Variants in CUX1 observed in about 807,000 individuals in gnomAD.
The protein encoded by CUX1 is cut like homeobox 1.
CUX1 carries 31 observed loss-of-function variants against 158.8 expected under a neutral mutation model. The ratio of observed to expected loss-of-function variants is 0.20; its 90% CI spans 0.15 to 0.26. CUX1 has a LOEUF of 0.26. Among genes scored for constraint, CUX1 ranks in the 10% least tolerant of loss-of-function variants. CUX1 has a pLI of 1.00. For synonymous variants in CUX1, 879 were observed against 862.1 expected (o/e 1.02, Z -0.34); for missense variants, 1,589 against 2,014.6 (o/e 0.79, Z 4.04).
intron 8 of CUX1, among the ~76,000 whole-genome samples, chr7:102,116,860 C>T (rs1831489398): frequency 6.6e-6 from 1 of 152,092 alleles, no homozygotes; most frequent in South Asian, 2.1e-4. Flanking sequence ...GAGAGACTCA[C>T]TCGGTTAGAT....
At chr7:102,194,717 T>A (rs1586152305) in intron 13 of CUX1, among the ~76,000 whole-genome samples, 1 of 151,760 alleles carries the variant, frequency 6.6e-6, no homozygotes, top group Admixed American at 6.6e-5. Flanking sequence ...GGTCATCTGG[T>A]GGCCAATTAA....
intron 1 of CUX1, among the ~76,000 whole-genome samples, chr7:101,834,230 G>A (rs1415625835): frequency 1.5e-5 from 2 of 133,144 alleles, no homozygotes; most frequent in East Asian, 2.2e-4. Flanking sequence ...CTGGAGTGCA[G>A]TGGCACTATC....
intron 11 of CUX1, 81 bp from the exon 12 acceptor site, chr7:102,189,732 G>A (rs1794072700): frequency 1.4e-6 from 2 of 1,468,966 alleles, no homozygotes; most frequent in Non-Finnish European, 1.9e-6. Context: ...ACAGCTGGCT[G>A]TTCCGCAGTG....
chr7:101,975,429 T>G (rs763858701), intron 2 of CUX1, among the ~76,000 whole-genome samples: 2 of 151,970 alleles, frequency 1.3e-5, no homozygotes, highest in African/African-American at 4.8e-5. Flanking sequence ...TGGTGGCATG[T>G]GCTTGTAGTC....
At chr7:101,858,692 G>A (rs1172683240) in intron 1 of CUX1, among the ~76,000 whole-genome samples, 1 of 137,242 alleles carries the variant, frequency 7.3e-6, no homozygotes, top group Non-Finnish European at 1.5e-5. Flanking sequence ...TTGAGATGGC[G>A]TCTTGCTCTG....
At chr7:102,267,277 T>C (rs1331331763) in intron 14 of CUX1, among the ~76,000 whole-genome samples, 1 of 152,102 alleles carries the variant, frequency 6.6e-6, no homozygotes, top group East Asian at 1.9e-4. Flanking sequence ...CTCATGCCTG[T>C]AATCCCAGCA....
intron 3 of CUX1, among the ~76,000 whole-genome samples, chr7:102,058,810 C>T (rs545595824): frequency 6.6e-6 from 1 of 152,198 alleles, no homozygotes; most frequent in Non-Finnish European, 1.5e-5. Flanking sequence ...CCGGGATTTA[C>T]CCGAGGGAGG....
rs934606184 is a variant in CUX1, at chr7:101,869,571, C to T, written c.31-46544C>T. On this transcript the variant is annotated intron_variant, in intron 1 of 23. Coordinates refer to ENST00000292535, the MANE Select transcript of CUX1 (RefSeq NM_181552.4). The surrounding 1 kb of genome is among the most constrained non-coding windows in gnomAD (Gnocchi z 4.5). ...CGCGGGAAGGGAGTGGCTGGTGGGG[C>T]GGGGGAGGGAAACCAGCACGTTAGA... Among the ~76,000 whole-genome samples, 4 of 132,144 alleles carry T rather than the reference C, an allele frequency of 3.0e-5. No individual in the cohort carries two copies. The highest frequency in any genetic ancestry group is 4.8e-5 in the Non-Finnish European group (3 of 62,228). The allele number at this position is 132,144 out of a possible 152,430, so 86.7% of individuals were successfully genotyped here.
At chr7:102,086,476 A>ATGTGTAT (rs1199363910) in intron 4 of CUX1, among the ~76,000 whole-genome samples, 1 of 152,142 alleles carries the variant, frequency 6.6e-6, no homozygotes, top group African/African-American at 2.4e-5. Flanking sequence ...CTTAAAGAGA[A>ATGTGTAT]TGTGTATTCT....
intron 1 of CUX1, among the ~76,000 whole-genome samples, chr7:101,910,962 G>A (rs754174727): frequency 1.3e-5 from 2 of 152,236 alleles, no homozygotes; most frequent in African/African-American, 2.4e-5. Flanking sequence ...GCCCTTTGAG[G>A]AGCTGTCAGA....
chr7:101,895,902 G>T (rs13245716), intron 1 of CUX1, among the ~76,000 whole-genome samples: 1,497 of 40,284 alleles, frequency 0.037, 114 homozygotes, highest in South Asian at 0.094. Flanking sequence ...TTTTTTTTTT[G>T]TTTTTGTTTT....
chr7:102,250,496 C>T lies in CUX1; in HGVS notation c.*1454C>T. The T allele has an allele frequency of 1.0e-6, 1 of 985,510 alleles. No individual in the cohort carries two copies. The highest frequency in any genetic ancestry group is 1.2e-6 in the Non-Finnish European group (1 of 829,994). 61.0% of individuals were successfully genotyped at this position (985,510 alleles called of 1,614,324 possible). ...TCCCTTTTTCTTCCCACCGCAAGCACTGATGACCCTGTTGAACTCGTGGGA... is the reference window on the plus strand; with the variant it reads ...TCCCTTTTTCTTCCCACCGCAAGCATTGATGACCCTGTTGAACTCGTGGGA... On this transcript the variant is annotated 3_prime_UTR_variant, in exon 24 of 24. Coordinates refer to ENST00000292535, the MANE Select transcript of CUX1 (RefSeq NM_181552.4).
intron 8 of CUX1, among the ~76,000 whole-genome samples, chr7:102,147,977 AAAATAAATAAAT>A (rs545897009): frequency 6.6e-6 from 1 of 152,142 alleles, no homozygotes; most frequent in African/African-American, 2.4e-5. Flanking sequence ...CTCCGTCTCA[AAAATAAATAAAT>A]AAATAAATAA....
At chr7:102,051,517 GC>G (rs1420655572) in intron 3 of CUX1, among the ~76,000 whole-genome samples, 3 of 152,034 alleles carry the variant, frequency 2.0e-5, no homozygotes, top group Non-Finnish European at 2.9e-5. Context: ...GCATGATGGT[GC>G]GCAACTGTAG....
In CUX1 at chr7:101,916,805, G is replaced by A. The variant is rs573409596; in HGVS notation, c.141+580G>A. On this transcript the variant is annotated intron_variant, in intron 2 of 23. Transcript: ENST00000292535. This position sits in a 1 kb window ranked among gnomAD's most constrained non-coding sequence, Gnocchi z 4.4. ...TTTATATACTCCTGTTTTTTCTCTC[G>A]TGAGTGTGCAATCGGGGGACAGTGT... is the stretch of plus-strand genomic sequence containing the variant. Among the ~76,000 whole-genome samples, 25 of 151,990 alleles carry A rather than the reference G, an allele frequency of 1.6e-4. No homozygotes were observed. Among genetic ancestry groups the A allele is most frequent in the African/African-American group, 4.8e-4 (20 of 41,478 alleles).
At chr7:101,954,031 A>AG (rs1554430746) in intron 2 of CUX1, among the ~76,000 whole-genome samples, 9 of 152,082 alleles carry the variant, frequency 5.9e-5, no homozygotes, top group African/African-American at 2.2e-4. Context: ...TACAAAAAAA[A>AG]TTTTTTTAAG....
In CUX1 at chr7:102,213,935, C is replaced by T. The variant is rs554301332; in HGVS notation, c.3130+8765C>T. 7.9e-5 allele frequency among the ~76,000 whole-genome samples: 12 copies of T among 152,236 alleles called. No individual in the cohort carries two copies. In the South Asian group the frequency reaches 2.3e-3, roughly 29 times the overall value. The stretch of plus-strand genomic sequence containing the variant: ...ATCACCTGAGGTCAGGAGTTCAAGA[C>T]CGGCCTGGCCAACATGGCAAAACCC... On this transcript the variant is annotated intron_variant, in intron 20 of 23. Transcript: ENST00000292535.
At chr7:101,844,260 A>G (rs1297073498) in intron 1 of CUX1, among the ~76,000 whole-genome samples, 1 of 132,316 alleles carries the variant, frequency 7.6e-6, no homozygotes, top group Non-Finnish European at 1.5e-5. Context: ...CACGTTGTCC[A>G]CGGGAATAAA....
At position 102,252,854 on chromosome 7, in the gene CUX1, T is replaced by C. The variant is rs1333734867; in HGVS notation, c.*3812T>C. 3.0e-6 allele frequency: 3 copies of C among 985,330 alleles called. No homozygotes were observed. Among genetic ancestry groups the C allele is most frequent in the Admixed American group, 6.2e-5 (1 of 16,258 alleles). The allele number at this position is 985,330 out of a possible 1,614,324, so 61.0% of individuals were successfully genotyped here. Reference sequence around the variant, plus strand: ...ATCAGAGCCATGGAGCTTAGCTCAATTGGATTCTTCTAGACGATCTTAGGA... The same window carrying C: ...ATCAGAGCCATGGAGCTTAGCTCAACTGGATTCTTCTAGACGATCTTAGGA... On this transcript the variant is annotated 3_prime_UTR_variant, in exon 24 of 24. Transcript: ENST00000292535.
Sources: allele counts gnomAD v4.1 joint callset (sites outside exome capture counted in the v4.1 genomes callset), GRCh38; gene constraint gnomAD v4.1.1; non-coding constraint Gnocchi (gnomAD v3.1); transcripts MANE v1.5; gene names NCBI Gene and HGNC (gene_info 2026-07-23, HGNC 2026-07-21).